The following NPAS3 variants were observed in gnomAD, a reference collection of about 807,000 sequenced individuals.
NPAS3 encodes the protein neuronal PAS domain-containing protein 3.
Under a neutral mutation model 73.1 loss-of-function variants are expected in NPAS3, and 14 were observed. That is an observed-to-expected ratio of 0.19 (90% CI 0.13 to 0.30). NPAS3 has a LOEUF of 0.30. NPAS3 is among the 10% of genes least tolerant of loss of function. The pLI is 1.00. For synonymous variants in NPAS3, 620 were observed against 541.5 expected (o/e 1.14, Z -2.01); for missense variants, 1,096 against 1,250.0 (o/e 0.88, Z 1.86).
intron 2 of NPAS3, among the ~76,000 whole-genome samples, chr14:33,083,411 G>T (rs1461134037): frequency 2.0e-5 from 3 of 151,968 alleles, no homozygotes; most frequent in African/African-American, 7.3e-5. Context: ...AAAGGAGAGG[G>T]TTGTATTCCT....
At chr14:33,290,949 C>T (rs1023466217) in intron 3 of NPAS3, among the ~76,000 whole-genome samples, 1 of 151,898 alleles carries the variant, frequency 6.6e-6, no homozygotes, top group Non-Finnish European at 1.5e-5. Context: ...GAAGGGGCTG[C>T]TTGGATCTTG....
At chr14:33,561,464 G>C (rs2055646531) in intron 5 of NPAS3, among the ~76,000 whole-genome samples, 1 of 152,176 alleles carries the variant, frequency 6.6e-6, no homozygotes, top group Non-Finnish European at 1.5e-5. Flanking sequence ...TATAGTGTGT[G>C]GAGTAATTCT....
At chr14:33,802,376 T>TAAAAAAAAA (rs71293230), downstream of NPAS3, 13 of 95,714 alleles carry the variant, frequency 1.4e-4, no homozygotes, top group East Asian at 3.5e-4. Flanking sequence ...GCACATTAAG[T>TAAAAAAAAA]AAAAAAAAAA....
At chr14:33,429,737 T>A (rs78903332) in intron 4 of NPAS3, among the ~76,000 whole-genome samples, 1,727 of 152,278 alleles carry the variant, frequency 0.011, 31 homozygotes, top group African/African-American at 0.039. Flanking sequence ...TTCAAAAGAA[T>A]GAGCTTTAAG....
chr14:33,419,367 T>A (rs992701217), intron 4 of NPAS3, among the ~76,000 whole-genome samples: 14 of 152,026 alleles, frequency 9.2e-5, no homozygotes, highest in African/African-American at 3.1e-4. Flanking sequence ...CTATAAATTA[T>A]GTATATTTTA....
intron 6 of NPAS3, among the ~76,000 whole-genome samples, chr14:33,725,847 G>A (rs768223794): frequency 3.9e-5 from 6 of 152,048 alleles, no homozygotes; most frequent in Admixed American, 6.6e-5. Context: ...TTCTTTGATC[G>A]CAAAACCCTG....
chr14:33,490,874 C>A (rs552717615), intron 4 of NPAS3, among the ~76,000 whole-genome samples: 2 of 152,316 alleles, frequency 1.3e-5, no homozygotes, highest in East Asian at 3.9e-4. Context: ...CCAGGCCTGG[C>A]AGCCCTAAAG....
chr14:33,015,927 C>T (rs1281683341), intron 1 of NPAS3, among the ~76,000 whole-genome samples: 2 of 152,024 alleles, frequency 1.3e-5, no homozygotes, highest in African/African-American at 4.8e-5. Context: ...GAGTAGAAAG[C>T]ACTTGGGTAT....
intron 3 of NPAS3, among the ~76,000 whole-genome samples, chr14:33,327,344 T>G (rs1415033968): frequency 3.3e-5 from 5 of 152,208 alleles, no homozygotes; most frequent in Non-Finnish European, 7.3e-5. Context: ...AAGTAAGAAT[T>G]GTTTTAGCTC....
intron 5 of NPAS3, among the ~76,000 whole-genome samples, chr14:33,569,481 T>C (rs1358976503): frequency 6.6e-6 from 1 of 152,158 alleles, no homozygotes; most frequent in Non-Finnish European, 1.5e-5. Flanking sequence ...TTACAGATGC[T>C]GTTTAGATTT....
chr14:33,651,227 C>A (rs1017605125), intron 5 of NPAS3, among the ~76,000 whole-genome samples: 1 of 152,194 alleles, frequency 6.6e-6, no homozygotes, highest in African/African-American at 2.4e-5. Context: ...GTGCTGCACT[C>A]TGCCTTTGTA....
At chr14:33,121,725 A>C (rs1261752866) in intron 2 of NPAS3, among the ~76,000 whole-genome samples, 1 of 152,158 alleles carries the variant, frequency 6.6e-6, no homozygotes, top group African/African-American at 2.4e-5. Context: ...TAATTGAAAG[A>C]CACAGAAAGT....
At chr14:33,042,330 T>C (rs1251658636) in intron 1 of NPAS3, among the ~76,000 whole-genome samples, 3 of 152,202 alleles carry the variant, frequency 2.0e-5, no homozygotes, top group Non-Finnish European at 4.4e-5. Flanking sequence ...GTTTGTTTCC[T>C]GGGTGTTGAA....
At chr14:33,218,979 A>G (rs1196538849) in intron 3 of NPAS3, among the ~76,000 whole-genome samples, 5 of 152,222 alleles carry the variant, frequency 3.3e-5, no homozygotes, top group African/African-American at 1.2e-4. Flanking sequence ...CTTCATGGAA[A>G]TGATAGGTTA....
chr14:33,629,105 G>T (rs1246532536), intron 5 of NPAS3, among the ~76,000 whole-genome samples: 1 of 152,128 alleles, frequency 6.6e-6, no homozygotes, highest in Admixed American at 6.5e-5. Flanking sequence ...CGTGGTGGTG[G>T]GTGCCTGTAG....
intron 6 of NPAS3, among the ~76,000 whole-genome samples, chr14:33,720,234 G>A (rs970419884): frequency 1.3e-5 from 2 of 152,138 alleles, no homozygotes; most frequent in Non-Finnish European, 2.9e-5. Context: ...GCCTGCTCAG[G>A]TAGTATTTAT....
At chr14:33,025,663 C>G (rs1435266842) in intron 1 of NPAS3, among the ~76,000 whole-genome samples, 1 of 152,158 alleles carries the variant, frequency 6.6e-6, no homozygotes, top group Non-Finnish European at 1.5e-5. Context: ...TTCCCCCTTA[C>G]TGTTCTCACG....
At chr14:33,294,991 T>G (rs2042237743) in intron 3 of NPAS3, among the ~76,000 whole-genome samples, 1 of 152,164 alleles carries the variant, frequency 6.6e-6, no homozygotes, top group Admixed American at 6.5e-5. Flanking sequence ...TTTGAACTCT[T>G]GGAGAGTGAC....
At chr14:33,428,054 T>C (rs1257978583) in intron 4 of NPAS3, among the ~76,000 whole-genome samples, 1 of 152,140 alleles carries the variant, frequency 6.6e-6, no homozygotes, top group Non-Finnish European at 1.5e-5. Context: ...ATGAAGAATC[T>C]ATAGGCTCAA....
Sources: gnomAD v4.1 joint callset for allele counts (sites outside exome capture counted in the v4.1 genomes callset) on GRCh38, gnomAD v4.1.1 for gene constraint, MANE v1.5 for transcripts, NCBI Gene and HGNC (gene_info 2026-07-23, HGNC 2026-07-21) for gene names.